The following DNMT1 variants were observed in gnomAD, a reference collection of about 807,000 sequenced individuals.
DNMT1 encodes DNA methyltransferase 1, also known as DNA (cytosine-5)-methyltransferase 1.
In DNMT1, 24 loss-of-function variants were observed where a neutral mutation model predicts 205.3. The observed-to-expected ratio is 0.12, with a 90% CI of 0.08 to 0.16. The LOEUF is 0.16. Ranked by LOEUF, DNMT1 falls within the 10% of genes least tolerant of loss-of-function variation. DNMT1 has a pLI of 1.00. For missense variants in DNMT1, 1,293 were observed against 2,177.7 expected (o/e 0.59, Z 8.09); for synonymous variants, 817 against 839.8 (o/e 0.97, Z 0.47).
chr19:10,190,303 T>C lies in DNMT1; in HGVS notation c.80+4517A>G, dbSNP rs111993665. Among the ~76,000 whole-genome samples, 239 of 152,212 alleles carry C rather than the reference T, an allele frequency of 1.6e-3. 1 individual carries two copies. The highest frequency in any genetic ancestry group is 5.0e-3 in the Admixed American group (77 of 15,270). Reference sequence around the variant, plus strand: ...GGCATGCAAGCATTTGAGTCTACTGTGCTCCAAGCTGCAGATACAGTGAAT... The same window carrying C: ...GGCATGCAAGCATTTGAGTCTACTGCGCTCCAAGCTGCAGATACAGTGAAT... On this transcript the variant is annotated intron_variant, in intron 1 of 40. Transcript: ENST00000359526.
chr19:10,186,258 G>A (rs2039177671), intron 1 of DNMT1, among the ~76,000 whole-genome samples: 1 of 152,176 alleles, frequency 6.6e-6, no homozygotes, highest in Non-Finnish European at 1.5e-5. Context: ...CCCCTAGAAT[G>A]TTTCATCCAG....
chr19:10,182,694 G>GAC (rs1568256789), intron 1 of DNMT1, among the ~76,000 whole-genome samples: 3 of 151,420 alleles, frequency 2.0e-5, no homozygotes, highest in Non-Finnish European at 2.9e-5. Context: ...GACAGACATG[G>GAC]AGTCTCGCTC....
Position 10,180,766 on chromosome 19 carries a change from G to A in DNMT1, c.225+12C>T, listed in dbSNP as rs1317488113. On this transcript the variant is annotated intron_variant, in intron 3 of 40. Coordinates refer to ENST00000359526, the MANE Select transcript of DNMT1 (RefSeq NM_001130823.3). ...ATTTTTCTAGAGGCTAGGATGCTGA[G>A]AACTGACTTACCTCGGATAATTCTT... The A allele has an allele frequency of 6.2e-7, 1 of 1,612,612 alleles. No homozygotes were observed. The highest frequency in any genetic ancestry group is 1.3e-5 in the African/African-American group (1 of 75,014).
Position 10,154,878 on chromosome 19 carries a change from G to A in DNMT1, c.1644+27C>T, listed in dbSNP as rs748513680. 3.3e-5 allele frequency: 53 copies of A among 1,614,084 alleles called. No individual in the cohort carries two copies. The highest frequency in any genetic ancestry group is 3.8e-5 in the Non-Finnish European group (45 of 1,180,054). On this transcript the variant is annotated intron_variant, in intron 20 of 40. Coordinates refer to ENST00000359526, the MANE Select transcript of DNMT1 (RefSeq NM_001130823.3). This position sits in a 1 kb window ranked among gnomAD's most constrained non-coding sequence, Gnocchi z 6.3. ...AAGGCAAGTTTCCAGTGGGAATCCCGGATGCTGAGGACCCTCGATCTCTTA... is the reference window on the plus strand; with the variant it reads ...AAGGCAAGTTTCCAGTGGGAATCCCAGATGCTGAGGACCCTCGATCTCTTA...
chr19:10,191,514 T>C (rs2039304724), intron 1 of DNMT1, among the ~76,000 whole-genome samples: 1 of 152,050 alleles, frequency 6.6e-6, no homozygotes, highest in Admixed American at 6.6e-5. Context: ...CAGTGGTGGA[T>C]TGTAAGGCTC....
rs145382749 is a variant in DNMT1 at position 10,136,584 on chromosome 19, C to T, written c.4490-297G>A. ...CCAAATAGCTGGGATTATAGGCGTG[C>T]GACACCACGCCCGGCTAATTTTTGT... On this transcript the variant is annotated intron_variant, in intron 37 of 40. Transcript: ENST00000359526. 0.012 allele frequency among the ~76,000 whole-genome samples: 1,836 copies of T among 151,836 alleles called. 36 individuals carry two copies. The highest frequency in any genetic ancestry group is 0.041 in the African/African-American group (1,713 of 41,372).
rs557152077 is a variant in DNMT1, at chr19:10,177,890, G to A, written c.494-523C>T. Among the ~76,000 whole-genome samples, 13 of 148,634 alleles carry A rather than the reference G, an allele frequency of 8.7e-5. 1 individual carries two copies. The South Asian group carries it at 1.9e-3, about 22-fold the overall frequency. ...GGGGGTTGCCGTGAGCCAAGATCGCGCCACTGTACACAGCCTTGGCGACAG... is the reference window on the plus strand; with the variant it reads ...GGGGGTTGCCGTGAGCCAAGATCGCACCACTGTACACAGCCTTGGCGACAG... On this transcript the variant is annotated intron_variant, in intron 5 of 40. Coordinates refer to ENST00000359526, the MANE Select transcript of DNMT1 (RefSeq NM_001130823.3).
At chr19:10,157,061 G>A (rs536853058) in intron 17 of DNMT1, among the ~76,000 whole-genome samples, 33 of 152,244 alleles carry the variant, frequency 2.2e-4, no homozygotes, top group African/African-American at 7.5e-4. Flanking sequence ...CTTACAGTGC[G>A]GGAAATACCG....
At chr19:10,188,095 C>T (rs2145402816) in intron 1 of DNMT1, among the ~76,000 whole-genome samples, 1 of 152,354 alleles carries the variant, frequency 6.6e-6, no homozygotes, top group South Asian at 2.1e-4. Flanking sequence ...CGCTGCATTC[C>T]AGCCTGGGTG....
At chr19:10,168,412 G>T (rs1232915296) in intron 9 of DNMT1, 48 bp from the exon 10 acceptor site, 2 of 1,595,180 alleles carry the variant, frequency 1.3e-6, no homozygotes, top group Middle Eastern at 1.7e-4. Flanking sequence ...ATTTGGTTTG[G>T]ATCTTTCTAT....
intron 1 of DNMT1, among the ~76,000 whole-genome samples, chr19:10,188,929 A>G (rs1052232094): frequency 6.6e-6 from 1 of 152,114 alleles, no homozygotes; most frequent in Non-Finnish European, 1.5e-5. Context: ...AACACCCCAA[A>G]ATAGGAAACA....
At chr19:10,144,186 G>T (rs2089655356) in intron 28 of DNMT1, 199 bp from the exon 29 acceptor site, 2 of 621,958 alleles carry the variant, frequency 3.2e-6, no homozygotes, top group Non-Finnish European at 5.8e-6. Flanking sequence ...AAGGCAGGTG[G>T]ACCACAAGGT....
rs2089512142 is a variant in DNMT1 at position 10,137,512 on chromosome 19, AG to A, written c.4294-233del. 1.6e-6 allele frequency: 1 copy of A among 640,848 alleles called. No individual in the cohort carries two copies. Among genetic ancestry groups the A allele is most frequent in the Admixed American group, 2.8e-5 (1 of 35,830 alleles). The allele number at this position is 640,848 out of a possible 1,614,324, so 39.7% of individuals were successfully genotyped here. ...TAAGCTGAGCCTTTAGGGTGGGGGAAGGGGAGTGGTGCCAGGGGATGGTGAA... is the reference window on the plus strand; with the variant it reads ...TAAGCTGAGCCTTTAGGGTGGGGGAAGGGAGTGGTGCCAGGGGATGGTGAA... On this transcript the variant is annotated intron_variant, in intron 36 of 40. Transcript: ENST00000359526. This position sits in a 1 kb window ranked among gnomAD's most constrained non-coding sequence, Gnocchi z 6.4.
intron 10 of DNMT1, 99 bp downstream of exon 10, chr19:10,168,231 A>C: frequency 7.3e-7 from 1 of 1,365,322 alleles, no homozygotes; most frequent in South Asian, 1.2e-5. Flanking sequence ...ACATATGATT[A>C]GTGCCCACTG....
chr19:10,182,982 C>T (rs955363558), intron 1 of DNMT1, among the ~76,000 whole-genome samples: 15 of 146,286 alleles, frequency 1.0e-4, no homozygotes, highest in Admixed American at 6.8e-4. Context: ...TATATATACA[C>T]GTATATATAT....
Position 10,143,978 on chromosome 19 carries a change from C to T in DNMT1, c.2904G>A (p.Leu968=). 6.2e-7 allele frequency: 1 copy of T among 1,613,844 alleles called. No homozygotes were observed. The highest frequency in any genetic ancestry group is 8.5e-7 in the Non-Finnish European group (1 of 1,179,942). Residue 968 remains leucine, a synonymous_variant, in exon 29 of 41, where the codon CTG becomes CTA. Transcript: ENST00000359526. ...TCCGTGGGCGTTTCACGGGACTGGA[C>T]AGCTTGATGCTGCAGAGAAGCACCC... is the stretch of plus-strand genomic sequence containing the variant. ...PPEAFTFNIK[L]SSPVKRPRKE... is the part of the protein sequence containing the mutation.
In DNMT1 at chr19:10,138,698, G is replaced by T; in HGVS notation, c.3949-93C>A. 6.7e-7 allele frequency: 1 copy of T among 1,495,514 alleles called. No homozygotes were observed. The highest frequency in any genetic ancestry group is 9.0e-7 in the Non-Finnish European group (1 of 1,116,604). 92.6% of individuals were successfully genotyped at this position (1,495,514 alleles called of 1,614,324 possible). A position where few individuals can be genotyped will look rare whatever the true frequency, so the allele number is the denominator to read the frequency against. On this transcript the variant is annotated intron_variant, in intron 34 of 40. Transcript: ENST00000359526. This position sits in a 1 kb window ranked among gnomAD's most constrained non-coding sequence, Gnocchi z 4.1. ...GGCCCAGGGTCAGCAGCCTGAGTCG[G>T]GAGTGGCTGGCCAATGCGGAGTGCA...
Position 10,159,659 on chromosome 19 carries a change from T to C in DNMT1, c.1279A>G (p.Ser427Gly). Residue 427 changes from serine to glycine, a missense_variant and splice_region_variant, in exon 17 of 41, where the codon AGT (serine) becomes GGT (glycine). Ser to Gly is a moderately conservative substitution (Grantham distance 56, BLOSUM62 0). Coordinates refer to ENST00000359526, the MANE Select transcript of DNMT1 (RefSeq NM_001130823.3). This position sits in a 1 kb window ranked among gnomAD's most constrained non-coding sequence, Gnocchi z 5.0. ...ALPQHKLTCF[S>G]VYCKHGHLCP... Reference sequence around the variant, plus strand: ...ACATGCACACGAAAGTGCACTTACCTGAAGCAGGTCAGTTTGTGCTGGGGA... The same window carrying C: ...ACATGCACACGAAAGTGCACTTACCCGAAGCAGGTCAGTTTGTGCTGGGGA... 1 of 1,614,182 alleles carries C rather than the reference T, an allele frequency of 6.2e-7. No homozygotes were observed. The highest frequency in any genetic ancestry group is 8.5e-7 in the Non-Finnish European group (1 of 1,180,024).
intron 1 of DNMT1, among the ~76,000 whole-genome samples, chr19:10,184,064 C>A (rs1199037283): frequency 2.6e-5 from 4 of 151,990 alleles, no homozygotes; most frequent in Admixed American, 2.0e-4. Context: ...AAAAAGATAC[C>A]AGGAAAGAGG....
Sources: gnomAD v4.1 joint callset for allele counts (sites outside exome capture counted in the v4.1 genomes callset) on GRCh38, gnomAD v4.1.1 for gene constraint, Gnocchi (gnomAD v3.1) non-coding constraint, MANE v1.5 for transcripts, NCBI Gene and HGNC (gene_info 2026-07-23, HGNC 2026-07-21) for gene names.